ADGRL3: variants seen among roughly 807,000 people sequenced by gnomAD.
ADGRL3 encodes the protein adhesion G protein-coupled receptor L3, also known as calcium-independent alpha-latrotoxin receptor 3.
In ADGRL3, 62 loss-of-function variants were observed where a neutral mutation model predicts 153.5. That is an observed-to-expected ratio of 0.40 (90% CI 0.33 to 0.50). The LOEUF (loss-of-function observed/expected upper bound fraction) is 0.50. ADGRL3 is among the 20% of genes least tolerant of loss of function. The pLI, the probability that ADGRL3 is intolerant of heterozygous loss-of-function variation, is 0.47. For missense variants in ADGRL3, 1,641 were observed against 1,859.4 expected (o/e 0.88, Z 2.16); for synonymous variants, 710 against 672.5 (o/e 1.06, Z -0.86).
intron 5 of ADGRL3, among the ~76,000 whole-genome samples, chr4:61,594,969 G>T (rs1406649974): frequency 6.6e-6 from 1 of 152,094 alleles, no homozygotes; most frequent in Non-Finnish European, 1.5e-5. Flanking sequence ...AGTCCATGGG[G>T]TTTCTCCAGC....
intron 1 of ADGRL3, among the ~76,000 whole-genome samples, chr4:61,319,263 G>C (rs774006477): frequency 1.3e-5 from 2 of 152,064 alleles, no homozygotes; most frequent in African/African-American, 2.4e-5. Context: ...TCTCATTCTG[G>C]AGAAAGAAAA....
chr4:61,497,639 C>T (rs1323213849), intron 3 of ADGRL3, among the ~76,000 whole-genome samples: 1 of 150,272 alleles, frequency 6.7e-6, no homozygotes, highest in Non-Finnish European at 1.5e-5. Flanking sequence ...CCTCAGCCTC[C>T]TGAGTAGCTG....
chr4:61,929,368 A>G (rs942133003), intron 13 of ADGRL3, among the ~76,000 whole-genome samples: 2 of 152,166 alleles, frequency 1.3e-5, no homozygotes, highest in African/African-American at 4.8e-5. Context: ...TGTCCAGTCT[A>G]AGGTATTTTG....
intron 8 of ADGRL3, among the ~76,000 whole-genome samples, chr4:61,736,968 T>C (rs1194255107): frequency 6.6e-6 from 1 of 152,212 alleles, no homozygotes; most frequent in Non-Finnish European, 1.5e-5. Context: ...GCATGCATGA[T>C]ATGTGCTGAT....
chr4:61,891,156 G>A (rs1056679516), intron 9 of ADGRL3, among the ~76,000 whole-genome samples: 7 of 152,054 alleles, frequency 4.6e-5, no homozygotes, highest in Non-Finnish European at 1.0e-4. Flanking sequence ...TACTGCTTTC[G>A]TTAACAAATG....
chr4:61,972,662 A>T lies in ADGRL3; in HGVS notation c.2806-6901A>T, dbSNP rs180902741. On this transcript the variant is annotated intron_variant, in intron 17 of 26. Coordinates refer to ENST00000683033, the MANE Select transcript of ADGRL3 (RefSeq NM_001387552.1). ...TCAGGCTCTTTTTTGGTTCCATATG[A>T]ACTTTAAAGTAGTTTTTTCCAATTC... Among the ~76,000 whole-genome samples the T allele has an allele frequency of 6.8e-3, 1,031 of 152,206 alleles. 5 individuals are homozygous for T. Among genetic ancestry groups the T allele is most frequent in the African/African-American group, 0.024 (978 of 41,502 alleles).
At chr4:61,342,848 T>C (rs1251399069) in intron 1 of ADGRL3, among the ~76,000 whole-genome samples, 2 of 152,204 alleles carry the variant, frequency 1.3e-5, no homozygotes, top group Non-Finnish European at 2.9e-5. Context: ...TTTTAGTCTG[T>C]TCTCATGCTG....
intron 1 of ADGRL3, among the ~76,000 whole-genome samples, chr4:61,286,658 T>A (rs1300607398): frequency 6.6e-6 from 1 of 151,680 alleles, no homozygotes; most frequent in Admixed American, 6.6e-5. Flanking sequence ...TGACATGATT[T>A]TTTTCCTTTT....
chr4:61,565,004 A>G (rs1420540530), intron 4 of ADGRL3, among the ~76,000 whole-genome samples: 2 of 152,212 alleles, frequency 1.3e-5, no homozygotes, highest in Non-Finnish European at 2.9e-5. Flanking sequence ...ACAGATCACC[A>G]TACAGATGTG....
chr4:61,200,544 G>C lies in ADGRL3; in HGVS notation c.-1461G>C, dbSNP rs1734330003. 6.8e-6 allele frequency among the ~76,000 whole-genome samples: 1 copy of C among 147,740 alleles called. No individual in the cohort carries two copies. The highest frequency in any genetic ancestry group is 2.1e-4 in the South Asian group (1 of 4,716). On this transcript the variant is annotated 5_prime_UTR_variant, in exon 1 of 27. Coordinates refer to ENST00000683033, the MANE Select transcript of ADGRL3 (RefSeq NM_001387552.1). Reference sequence around the variant, plus strand: ...CCGCCGCTGCTGCTGGTTTTTCTCGGACTGCTCGTTGCCTCCGCTCCGGCA... The same window carrying C: ...CCGCCGCTGCTGCTGGTTTTTCTCGCACTGCTCGTTGCCTCCGCTCCGGCA...
At chr4:61,827,450 G>T (rs1201865496) in intron 9 of ADGRL3, among the ~76,000 whole-genome samples, 5 of 152,144 alleles carry the variant, frequency 3.3e-5, no homozygotes, top group Admixed American at 2.0e-4. Context: ...ATCGATCTTT[G>T]TATACTAAAC....
chr4:61,256,070 G>A (rs1209634830), intron 1 of ADGRL3, among the ~76,000 whole-genome samples: 1 of 152,104 alleles, frequency 6.6e-6, no homozygotes, highest in Admixed American at 6.5e-5. Context: ...TTTAGTCAAA[G>A]GGTCCAGGGG....
At chr4:61,777,258 G>T (rs1315438596) in intron 8 of ADGRL3, among the ~76,000 whole-genome samples, 2 of 151,934 alleles carry the variant, frequency 1.3e-5, no homozygotes, top group East Asian at 3.9e-4. Context: ...GCCTGAACCT[G>T]CGAGGCGGAG....
rs1225466508 is a variant in ADGRL3 at position 61,972,769 on chromosome 4, A to G, written c.2806-6794A>G. On this transcript the variant is annotated intron_variant, in intron 17 of 26. Transcript: ENST00000683033. ...TGGGCAGTATGGCCATTTTCACAATATTGATTCTTCCTACCCATGAGCATG... is the reference window on the plus strand; with the variant it reads ...TGGGCAGTATGGCCATTTTCACAATGTTGATTCTTCCTACCCATGAGCATG... Among the ~76,000 whole-genome samples, 6 of 152,188 alleles carry G rather than the reference A, an allele frequency of 3.9e-5. No individual in the cohort carries two copies. In the East Asian group the frequency reaches 1.2e-3, roughly 29 times the overall value.
At chr4:61,371,057 G>T (rs2096515534) in intron 1 of ADGRL3, among the ~76,000 whole-genome samples, 1 of 150,126 alleles carries the variant, frequency 6.7e-6, no homozygotes, top group Non-Finnish European at 1.5e-5. Context: ...TGCAACCCCT[G>T]CCTTTTTTTG....
At chr4:61,343,059 G>A (rs1317323563) in intron 1 of ADGRL3, among the ~76,000 whole-genome samples, 1 of 152,108 alleles carries the variant, frequency 6.6e-6, no homozygotes, top group Admixed American at 6.6e-5. Context: ...GAAATCTTGT[G>A]AGACTTGTTC....
At chr4:61,573,168 T>C (rs2098846000) in intron 4 of ADGRL3, among the ~76,000 whole-genome samples, 1 of 151,996 alleles carries the variant, frequency 6.6e-6, no homozygotes, top group African/African-American at 2.4e-5. Flanking sequence ...TCTGTCGTAT[T>C]TGAAAGAATA....
intron 21 of ADGRL3, among the ~76,000 whole-genome samples, chr4:62,006,092 T>TGATATGATCTCGGCTCACTGCAAC: frequency 7.0e-6 from 1 of 142,380 alleles, no homozygotes; most frequent in African/African-American, 2.6e-5. Context: ...GTGACTGCAG[T>TGATATGATCTCGGCTCACTGCAAC]GACATGATCT....
chr4:61,958,217 A>G (rs1216083894), intron 17 of ADGRL3, among the ~76,000 whole-genome samples: 1 of 152,302 alleles, frequency 6.6e-6, no homozygotes, highest in Middle Eastern at 3.4e-3. Context: ...TTTATGGTAT[A>G]TAAAATAATT....
Sources: allele counts gnomAD v4.1 joint callset (sites outside exome capture counted in the v4.1 genomes callset), GRCh38; gene constraint gnomAD v4.1.1; transcripts MANE v1.5; gene names NCBI Gene and HGNC (gene_info 2026-07-23, HGNC 2026-07-21).